AGBL4: variants seen among roughly 807,000 people sequenced by gnomAD.
AGBL4 encodes the protein cytosolic carboxypeptidase 6.
AGBL4 carries 58 observed loss-of-function variants against 66.4 expected under a neutral mutation model. The observed-to-expected ratio is 0.87, with a 90% CI of 0.71 to 1.09. AGBL4 has a LOEUF of 1.09. Ranked by LOEUF, AGBL4 falls within the 50% of genes least tolerant of loss-of-function variation. The pLI is 0.00. For synonymous variants in AGBL4, 234 were observed against 222.9 expected (o/e 1.05, Z -0.44); for missense variants, 579 against 631.0 (o/e 0.92, Z 0.88).
At chr1:49,294,530 A>G (rs937628951) in intron 3 of AGBL4, among the ~76,000 whole-genome samples, 1 of 152,206 alleles carries the variant, frequency 6.6e-6, no homozygotes, top group African/African-American at 2.4e-5. Context: ...TCTCTCTGCC[A>G]ACTGTGGCAT....
intron 5 of AGBL4, among the ~76,000 whole-genome samples, chr1:48,998,590 T>C (rs1487806022): frequency 3.9e-5 from 6 of 152,224 alleles, no homozygotes; most frequent in Non-Finnish European, 7.3e-5. Flanking sequence ...GCTTTCTTTG[T>C]GAACTCTCTC....
intron 2 of AGBL4, among the ~76,000 whole-genome samples, chr1:49,714,237 G>C (rs1373433591): frequency 6.6e-6 from 1 of 151,918 alleles, no homozygotes; most frequent in Non-Finnish European, 1.5e-5. Flanking sequence ...GGGTGCAAGA[G>C]CAGTTTTGTA....
chr1:48,955,562 G>C (rs1268993172), intron 5 of AGBL4, among the ~76,000 whole-genome samples: 2 of 152,108 alleles, frequency 1.3e-5, no homozygotes, highest in African/African-American at 4.8e-5. Context: ...CTGTTACCAA[G>C]GCTGCAGTGC....
At chr1:49,015,963 A>G (rs139758861) in intron 5 of AGBL4, among the ~76,000 whole-genome samples, 76 of 152,310 alleles carry the variant, frequency 5.0e-4, no homozygotes, top group African/African-American at 1.6e-3. Context: ...AGTAAGTCAC[A>G]TATGCCTTCA....
At chr1:48,522,948 AACTTCACT>A in the AGBL4 span, among the ~76,000 whole-genome samples, 2 of 151,838 alleles carry the variant, frequency 1.3e-5, no homozygotes, top group African/African-American at 4.8e-5. Context: ...AAAAGAAAGA[AACTTCACT>A]ACCTAGTCCT....
intron 3 of AGBL4, among the ~76,000 whole-genome samples, chr1:49,383,168 A>C (rs1328636314): frequency 6.6e-6 from 1 of 152,232 alleles, no homozygotes; most frequent in African/African-American, 2.4e-5. Flanking sequence ...TCCCATGTTC[A>C]TGGATTGGAA....
At chr1:49,536,708 T>C (rs976764627) in intron 3 of AGBL4, among the ~76,000 whole-genome samples, 7 of 152,130 alleles carry the variant, frequency 4.6e-5, no homozygotes, top group African/African-American at 1.7e-4. Context: ...AATACACACA[T>C]TGATTAATGA....
chr1:49,899,165 G>A (rs565241844), intron 1 of AGBL4, among the ~76,000 whole-genome samples: 6 of 152,084 alleles, frequency 3.9e-5, no homozygotes, highest in South Asian at 2.1e-4. Flanking sequence ...AAATGCTTGC[G>A]GGGATGAATA....
intron 4 of AGBL4, among the ~76,000 whole-genome samples, chr1:49,122,032 T>G (rs1454056252): frequency 6.6e-6 from 1 of 152,292 alleles, no homozygotes; most frequent in South Asian, 2.1e-4. Context: ...CGGGAGAGAA[T>G]CTCCTTGTCT....
intron 3 of AGBL4, among the ~76,000 whole-genome samples, chr1:49,602,381 A>T (rs1018183164): frequency 6.6e-6 from 1 of 152,186 alleles, no homozygotes; most frequent in African/African-American, 2.4e-5. Context: ...TCTACTATAA[A>T]GATACATGCA....
chr1:49,321,814 A>G (rs1407114700), intron 3 of AGBL4, among the ~76,000 whole-genome samples: 2 of 152,190 alleles, frequency 1.3e-5, no homozygotes, highest in Non-Finnish European at 2.9e-5. Context: ...TATCCTTTGC[A>G]TTCAGGTGGG....
At chr1:49,110,120 T>C (rs1172539292) in intron 4 of AGBL4, among the ~76,000 whole-genome samples, 3 of 152,208 alleles carry the variant, frequency 2.0e-5, no homozygotes, top group Non-Finnish European at 4.4e-5. Flanking sequence ...TCTTATTACT[T>C]GATAGCCATC....
intron 6 of AGBL4, among the ~76,000 whole-genome samples, chr1:48,755,550 T>C (rs1470629231): frequency 1.3e-5 from 2 of 152,176 alleles, no homozygotes; most frequent in East Asian, 3.8e-4. Flanking sequence ...GGGCCCTACA[T>C]CAACCCTAAC....
chr1:49,642,029 G>A (rs973247347), intron 3 of AGBL4, among the ~76,000 whole-genome samples: 1 of 146,812 alleles, frequency 6.8e-6, no homozygotes, highest in East Asian at 2.0e-4. Flanking sequence ...ATGCTTTCAG[G>A]TAAATTATTA....
chr1:49,334,262 C>T (rs1645391303), intron 3 of AGBL4, among the ~76,000 whole-genome samples: 1 of 152,144 alleles, frequency 6.6e-6, no homozygotes, highest in African/African-American at 2.4e-5. Flanking sequence ...AAACCAGAAC[C>T]CAAATCCAGT....
chr1:49,010,347 G>T (rs1190823886), intron 5 of AGBL4, among the ~76,000 whole-genome samples: 1 of 132,478 alleles, frequency 7.5e-6, no homozygotes, highest in Non-Finnish European at 1.6e-5. Context: ...TCTTCAAGGA[G>T]AACTACAAAC....
intron 4 of AGBL4, among the ~76,000 whole-genome samples, chr1:49,163,038 A>G (rs887439381): frequency 1.3e-5 from 2 of 152,192 alleles, no homozygotes; most frequent in African/African-American, 4.8e-5. Context: ...ATATATAGAT[A>G]TATTTTATCA....
chr1:48,688,887 G>C (rs1313672286), intron 6 of AGBL4, among the ~76,000 whole-genome samples: 1 of 151,942 alleles, frequency 6.6e-6, no homozygotes, highest in Non-Finnish European at 1.5e-5. Flanking sequence ...AAGTGGGGGT[G>C]TCAGTTGCAG....
At chr1:49,524,224 T>C (rs191869177) in intron 3 of AGBL4, among the ~76,000 whole-genome samples, 2 of 152,252 alleles carry the variant, frequency 1.3e-5, no homozygotes, top group East Asian at 1.9e-4. Flanking sequence ...AAGAATACTT[T>C]CTATGTACCA....
Sources: gnomAD v4.1 joint callset for allele counts (sites outside exome capture counted in the v4.1 genomes callset) on GRCh38, gnomAD v4.1.1 for gene constraint, MANE v1.5 for transcripts, NCBI Gene and HGNC (gene_info 2026-07-23, HGNC 2026-07-21) for gene names.